NBAS: variants seen among roughly 807,000 people sequenced by gnomAD.
NBAS encodes the protein NAG/BC035112 fusion.
NBAS carries 219 observed loss-of-function variants against 302.5 expected under a neutral mutation model. The ratio of observed to expected loss-of-function variants is 0.72; its 90% confidence interval spans 0.65 to 0.81. NBAS has a LOEUF of 0.81. Ranked by LOEUF, NBAS falls within the 30% of genes least tolerant of loss-of-function variation. The pLI, the probability that NBAS is intolerant of heterozygous loss-of-function variation, is 0.00. For missense variants in NBAS, 2,932 were observed against 2,841.6 expected (o/e 1.03, Z -0.72); for synonymous variants, 1,118 against 1,021.6 (o/e 1.09, Z -1.80).
At chr2:15,386,180 T>G (rs1272422854) in intron 28 of NBAS, among the ~76,000 whole-genome samples, 1 of 152,166 alleles carries the variant, frequency 6.6e-6, no homozygotes. Flanking sequence ...TGTAGTATAG[T>G]TGCAGTGTAA....
intron 4 of NBAS, 91 bp downstream of exon 4, chr2:15,553,970 C>T (rs1334733472): frequency 9.0e-7 from 1 of 1,112,402 alleles, no homozygotes; most frequent in African/African-American, 1.6e-5. Flanking sequence ...AAAATCAAGA[C>T]TGAAAGCCAC....
At chr2:14,890,355 C>T in the NBAS span, among the ~76,000 whole-genome samples, 4 of 152,002 alleles carry the variant, frequency 2.6e-5, no homozygotes, top group African/African-American at 9.7e-5. Context: ...AACTCTATCT[C>T]AATCCCAGTA....
chr2:15,504,008 C>T, intron 11 of NBAS, 137 bp downstream of exon 11: 1 of 724,954 alleles, frequency 1.4e-6, no homozygotes, highest in South Asian at 1.5e-5. Context: ...CTTACTAATG[C>T]ATATAGCCAC....
intron 38 of NBAS, among the ~76,000 whole-genome samples, chr2:15,321,616 A>G (rs192791152): frequency 6.6e-6 from 1 of 152,284 alleles, no homozygotes; most frequent in African/African-American, 2.4e-5. Flanking sequence ...GAAAACATCT[A>G]TGCAGCCAAC....
chr2:15,305,605 C>T (rs1361326403), intron 40 of NBAS, among the ~76,000 whole-genome samples: 1 of 152,084 alleles, frequency 6.6e-6, no homozygotes, highest in Non-Finnish European at 1.5e-5. Flanking sequence ...GTGCCCGCCA[C>T]CATGCCCAGC....
intron 6 of NBAS, among the ~76,000 whole-genome samples, chr2:15,549,242 G>A (rs933231384): frequency 5.9e-5 from 9 of 152,268 alleles, no homozygotes; most frequent in South Asian, 2.1e-4. Flanking sequence ...AAGCAGTTAA[G>A]TCAGATGTGA....
chr2:15,001,127 A>G, the NBAS span, among the ~76,000 whole-genome samples: 1 of 152,204 alleles, frequency 6.6e-6, no homozygotes, highest in Non-Finnish European at 1.5e-5. Context: ...GAATTTCCAG[A>G]GAAATTTAAT....
intron 50 of NBAS, 141 bp from the exon 51 acceptor site, chr2:15,179,257 T>C (rs1664709022): frequency 1.6e-6 from 2 of 1,255,976 alleles, no homozygotes; most frequent in Admixed American, 4.0e-5. Context: ...GCACTGGATA[T>C]ACTGAATATG....
chr2:15,190,865 T>C (rs1665319363), intron 48 of NBAS, among the ~76,000 whole-genome samples: 1 of 152,244 alleles, frequency 6.6e-6, no homozygotes, highest in Non-Finnish European at 1.5e-5. Flanking sequence ...TACTAAAGTG[T>C]ATCTGTCATA....
intron 50 of NBAS, among the ~76,000 whole-genome samples, chr2:15,181,569 G>A (rs150698989): frequency 1.7e-4 from 26 of 152,320 alleles, no homozygotes; most frequent in East Asian, 5.8e-4. Context: ...CACAAAACAC[G>A]TCATTTGACA....
At chr2:15,410,974 G>C (rs528762326) in intron 25 of NBAS, among the ~76,000 whole-genome samples, 12 of 152,302 alleles carry the variant, frequency 7.9e-5, no homozygotes, top group Admixed American at 3.9e-4. Flanking sequence ...CCAAGGCCTT[G>C]AACACGTTCT....
the NBAS span, among the ~76,000 whole-genome samples, chr2:14,872,388 C>CA: frequency 6.6e-6 from 1 of 152,106 alleles, no homozygotes; most frequent in African/African-American, 2.4e-5. Flanking sequence ...TACATCTACA[C>CA]AAAAAAGCAG....
chr2:15,432,374 C>T (rs1417768306), intron 21 of NBAS, among the ~76,000 whole-genome samples: 3 of 151,760 alleles, frequency 2.0e-5, no homozygotes, highest in Admixed American at 1.3e-4. Flanking sequence ...TATTAGAACC[C>T]TATTCATTGT....
the NBAS span, among the ~76,000 whole-genome samples, chr2:15,036,786 C>T: frequency 6.6e-6 from 1 of 152,140 alleles, no homozygotes; most frequent in Non-Finnish European, 1.5e-5. Flanking sequence ...TACTCACCCC[C>T]AGCTTGCAAA....
intron 51 of NBAS, among the ~76,000 whole-genome samples, chr2:15,168,515 T>C (rs1572386166): frequency 6.6e-6 from 1 of 152,236 alleles, no homozygotes; most frequent in African/African-American, 2.4e-5. Flanking sequence ...TTGCTGACAT[T>C]TTCTTTAACT....
intron 48 of NBAS, among the ~76,000 whole-genome samples, chr2:15,205,744 G>A (rs544414841): frequency 1.3e-5 from 2 of 152,202 alleles, no homozygotes; most frequent in South Asian, 2.1e-4. Flanking sequence ...GAGTTCTCAC[G>A]AGATCTGGTT....
chr2:15,467,579 G>C, intron 18 of NBAS, 85 bp downstream of exon 18: 2 of 1,398,122 alleles, frequency 1.4e-6, no homozygotes, highest in Non-Finnish European at 2.0e-6. Context: ...AAAATAATTT[G>C]GACTAATTAT....
chr2:15,317,586 G>A (rs534319132), intron 38 of NBAS, among the ~76,000 whole-genome samples: 2 of 152,240 alleles, frequency 1.3e-5, no homozygotes, highest in East Asian at 1.9e-4. Context: ...ACCATGGCAC[G>A]AGAACTTCAT....
chr2:15,153,172 T>C, the NBAS span, among the ~76,000 whole-genome samples: 1 of 152,218 alleles, frequency 6.6e-6, no homozygotes, highest in Admixed American at 6.5e-5. Flanking sequence ...ATGTCAAAGC[T>C]TGATGTCAAA....
Sources: allele counts gnomAD v4.1 joint callset (sites outside exome capture counted in the v4.1 genomes callset), GRCh38; gene constraint gnomAD v4.1.1; transcripts MANE v1.5; gene names NCBI Gene and HGNC (gene_info 2026-07-23, HGNC 2026-07-21).